Variants in PTPRH observed in about 807,000 individuals in gnomAD.
The protein encoded by PTPRH is receptor-type tyrosine-protein phosphatase H.
PTPRH carries 113 observed loss-of-function variants against 130.2 expected under a neutral mutation model. That is an observed-to-expected ratio of 0.87 (90% confidence interval 0.75 to 1.01). The LOEUF (loss-of-function observed/expected upper bound fraction) is 1.01. Ranked by LOEUF, PTPRH falls within the 50% of genes least tolerant of loss-of-function variation. PTPRH has a pLI of 0.00. For synonymous variants in PTPRH, 556 were observed against 577.9 expected (o/e 0.96, Z 0.54); for missense variants, 1,430 against 1,425.0 (o/e 1.00, Z -0.06).
At chr19:55,182,203 G>GGGGT in intron 18 of PTPRH, 52 bp from the exon 19 acceptor site, 1 of 1,583,974 alleles carries the variant, frequency 6.3e-7, no homozygotes, top group Non-Finnish European at 8.6e-7. Flanking sequence ...GTGAGGGTCC[G>GGGGT]GGGTCATGGC....
chr19:55,185,634 C>T lies in PTPRH; in HGVS notation c.2930G>A (p.Arg977His), dbSNP rs757992128. Residue 977 changes from arginine (R) to histidine (H), a missense_variant, in exon 18 of 20, where the codon CGC (arginine) becomes CAC (histidine). Coordinates refer to ENST00000376350, the MANE Select transcript of PTPRH (RefSeq NM_002842.5). ...QVEEQKTLSV[R>H]QFHYQAWPDH... is the part of the protein sequence containing the mutation. ...CGGCCAGGCCTGGTAGTGGAATTGGCGCACAGACAGTGTCTTCTGCTCCTC... is the reference window on the plus strand; with the variant it reads ...CGGCCAGGCCTGGTAGTGGAATTGGTGCACAGACAGTGTCTTCTGCTCCTC... 28 of 1,614,020 alleles carry T rather than the reference C, an allele frequency of 1.7e-5. No homozygotes were observed. In the South Asian group the frequency reaches 2.0e-4, roughly 11 times the overall value.
chr19:55,193,242 G>A (rs2086593785), intron 10 of PTPRH, among the ~76,000 whole-genome samples: 2 of 145,802 alleles, frequency 1.4e-5, no homozygotes, highest in South Asian at 2.2e-4. Flanking sequence ...AAAAAAAAAA[G>A]AAAAAGAAAG....
rs1263062048 is a variant in PTPRH at position 55,185,582 on chromosome 19, G to A, written c.2982C>T (p.Asp994=). 8 of 1,614,122 alleles carry A rather than the reference G, an allele frequency of 5.0e-6. No individual in the cohort carries two copies. In the South Asian group the frequency reaches 5.5e-5, roughly 11 times the overall value. ...WPDHGVPSSP[D]TLLAFWRMLR... ...GCATCCTCCAGAAAGCCAGCAAGGT[G>A]TCTGGGGAGGAGGGAACGCCGTGAT... is the stretch of plus-strand genomic sequence containing the variant. The change falls in exon 18 of 20, where the codon GAC becomes GAT. Residue 994 remains aspartate, a synonymous_variant. Coordinates refer to ENST00000376350, the MANE Select transcript of PTPRH (RefSeq NM_002842.5).
At chr19:55,207,222 G>A (rs777107304) in intron 1 of PTPRH, 23 bp from the exon 2 acceptor site, 45 of 1,611,330 alleles carry the variant, frequency 2.8e-5, no homozygotes, top group African/African-American at 4.0e-5. Context: ...CAGAGAAAAC[G>A]GAGTCAGCCT....
chr19:55,187,985 T>C (rs2086412133), intron 13 of PTPRH, 93 bp downstream of exon 13: 1 of 733,710 alleles, frequency 1.4e-6, no homozygotes, highest in African/African-American at 2.0e-5. Flanking sequence ...TTTTGCTTAA[T>C]CCCGAAAGCC....
intron 8 of PTPRH, among the ~76,000 whole-genome samples, chr19:55,197,860 G>A (rs1004803729): frequency 6.6e-6 from 1 of 152,122 alleles, no homozygotes; most frequent in Non-Finnish European, 1.5e-5. Flanking sequence ...GACACACCAC[G>A]TTTGTAGAGG....
chr19:55,191,854 C>G (rs776203308), intron 10 of PTPRH, 113 bp from the exon 11 acceptor site: 2 of 906,052 alleles, frequency 2.2e-6, no homozygotes, highest in South Asian at 1.3e-5. Flanking sequence ...AGACAGCTGA[C>G]CCCCGAACAT....
At chr19:55,202,992 C>A (rs184169478) in intron 5 of PTPRH, among the ~76,000 whole-genome samples, 16 of 146,634 alleles carry the variant, frequency 1.1e-4, no homozygotes, top group African/African-American at 3.6e-4. Context: ...GAGTCAAGAT[C>A]ATGCCACTAC....
chr19:55,182,497 T>G (rs3760868), intron 18 of PTPRH, among the ~76,000 whole-genome samples: 37,409 of 152,042 alleles, frequency 0.25, 5,896 homozygotes, highest in East Asian at 0.4. Context: ...CACTCCAGCC[T>G]GGGCGACAAG....
At chr19:55,188,043 G>A in intron 13 of PTPRH, 35 bp downstream of exon 13, 1 of 1,567,316 alleles carries the variant, frequency 6.4e-7, no homozygotes, top group Non-Finnish European at 8.8e-7. Context: ...GCCACCGGAG[G>A]GAGACTGAGC....
At chr19:55,198,525 C>A in intron 8 of PTPRH, 118 bp downstream of exon 8, 1 of 1,134,214 alleles carries the variant, frequency 8.8e-7, no homozygotes, top group Non-Finnish European at 1.2e-6. Flanking sequence ...AAGCTCCGGC[C>A]GGTGAGGCTG....
chr19:55,185,905 T>G lies in PTPRH; in HGVS notation c.2858A>C (p.Glu953Ala). 6.2e-7 allele frequency: 1 copy of G among 1,614,110 alleles called. No homozygotes were observed. The highest frequency in any genetic ancestry group is 8.5e-7 in the Non-Finnish European group (1 of 1,180,014). Residue 953 changes from glutamate (E) to alanine (A), a missense_variant, in exon 17 of 20, where the codon GAA becomes GCA. Coordinates refer to ENST00000376350, the MANE Select transcript of PTPRH (RefSeq NM_002842.5). Reference sequence around the variant, plus strand: ...CCGCACCGTCCAGTTCTCCATCACTTCCTCACCTACCAGGGTTACCCGCAG... The same window carrying G: ...CCGCACCGTCCAGTTCTCCATCACTGCCTCACCTACCAGGGTTACCCGCAG... Reference protein sequence around the residue: ...GHLRVTLVGEEVMENWTVREL... With the variant: ...GHLRVTLVGEAVMENWTVREL...
intron 10 of PTPRH, among the ~76,000 whole-genome samples, chr19:55,192,356 C>T (rs937603857): frequency 6.6e-5 from 10 of 151,752 alleles, no homozygotes; most frequent in African/African-American, 2.4e-4. Context: ...GAGCCCAGAT[C>T]ACACTACTGC....
chr19:55,187,865 G>T (rs1319240261), intron 13 of PTPRH, among the ~76,000 whole-genome samples: 2 of 152,038 alleles, frequency 1.3e-5, no homozygotes, highest in Admixed American at 6.6e-5. Context: ...CTGGGTGGGG[G>T]CAGAGAGAGT....
intron 12 of PTPRH, among the ~76,000 whole-genome samples, chr19:55,190,369 CAAA>C (rs550949670): frequency 9.6e-5 from 10 of 104,602 alleles, no homozygotes; most frequent in Admixed American, 2.1e-4. Context: ...GACTCCACCT[CAAA>C]AAAAAAAAAA....
chr19:55,181,933 TC>T (rs1025980404), intron 19 of PTPRH, 30 bp from the exon 20 acceptor site: 1 of 1,613,648 alleles, frequency 6.2e-7, no homozygotes, highest in African/African-American at 1.3e-5. Context: ...GTGAGAGGCG[TC>T]CCCCCAGGTC....
At chr19:55,201,895 T>C (rs1226511367) in intron 6 of PTPRH, among the ~76,000 whole-genome samples, 161 bp downstream of exon 6, 1 of 152,204 alleles carries the variant, frequency 6.6e-6, no homozygotes, top group Non-Finnish European at 1.5e-5. Flanking sequence ...TGGACATTCA[T>C]TCCTTCTTCA....
intron 8 of PTPRH, 57 bp from the exon 9 acceptor site, chr19:55,197,473 C>G (rs1389287109): frequency 1.3e-6 from 2 of 1,489,206 alleles, no homozygotes; most frequent in African/African-American, 2.8e-5. Context: ...CCTACCCCAG[C>G]CTGTCTGCCT....
rs746257792 is a variant in PTPRH at position 55,197,126 on chromosome 19, C to G, written c.1981G>C (p.Ala661Pro). Reference sequence around the variant, plus strand: ...GGAAGGGGATTCTCACATGTGGACGCACAGAGGCTCTGCGTGGAACTGGCT... The same window carrying G: ...GGAAGGGGATTCTCACATGTGGACGGACAGAGGCTCTGCGTGGAACTGGCT... ...DVASSTQSLC[A>P]STYPDTVTIT... The change falls in exon 9 of 20, where the codon GCG becomes CCG. Residue 661 changes from alanine (A) to proline (P), a missense_variant. Ala to Pro is a conservative substitution (Grantham distance 27, BLOSUM62 -1). Coordinates refer to ENST00000376350, the MANE Select transcript of PTPRH (RefSeq NM_002842.5). 2.5e-6 allele frequency: 4 copies of G among 1,614,052 alleles called. No homozygotes were observed. Among genetic ancestry groups the G allele is most frequent in the Non-Finnish European group, 3.4e-6 (4 of 1,179,892 alleles).
Sources: allele counts gnomAD v4.1 joint callset (sites outside exome capture counted in the v4.1 genomes callset), GRCh38; gene constraint gnomAD v4.1.1; transcripts MANE v1.5; gene names NCBI Gene and HGNC (gene_info 2026-07-23, HGNC 2026-07-21).